PARD3: variants seen among roughly 807,000 people sequenced by gnomAD.
PARD3 encodes the protein partitioning defective 3 homolog.
In PARD3, 75 loss-of-function variants were observed where a neutral mutation model predicts 155.4. The ratio of observed to expected loss-of-function variants is 0.48; its 90% CI spans 0.40 to 0.58. The LOEUF is 0.58. Among genes scored for constraint, PARD3 ranks in the 20% least tolerant of loss-of-function variants. The pLI is 0.00. For synonymous variants in PARD3, 576 were observed against 610.5 expected, an observed-to-expected ratio of 0.94 and a Z score of 0.83; for missense variants, 1,642 against 1,721.7, an observed-to-expected ratio of 0.95 and a Z score of 0.82.
At chr10:34,757,113 A>G (rs547669881) in intron 1 of PARD3, among the ~76,000 whole-genome samples, 2 of 152,352 alleles carry the variant, frequency 1.3e-5, no homozygotes, top group South Asian at 4.1e-4. Context: ...AGTCTATGAC[A>G]GCATTTTGCA....
chr10:34,763,152 A>G (rs1306162433), intron 1 of PARD3, among the ~76,000 whole-genome samples: 2 of 152,214 alleles, frequency 1.3e-5, no homozygotes, highest in African/African-American at 2.4e-5. Flanking sequence ...AGGACCTCTA[A>G]ACATTCTGCA....
chr10:34,122,608 A>G (rs759799055), intron 23 of PARD3, among the ~76,000 whole-genome samples: 1 of 152,218 alleles, frequency 6.6e-6, no homozygotes, highest in Non-Finnish European at 1.5e-5. Context: ...TAGAACTTGC[A>G]AAAGGGTGGG....
At chr10:34,382,358 T>C (rs1841948307) in intron 9 of PARD3, among the ~76,000 whole-genome samples, 182 bp downstream of exon 9, 1 of 152,202 alleles carries the variant, frequency 6.6e-6, no homozygotes, top group African/African-American at 2.4e-5. Flanking sequence ...AGAAATACAA[T>C]TTGAAATATG....
Position 34,382,836 on chromosome 10 carries a change from T to C in PARD3, c.1103A>G (p.Gln368Arg). The C allele has an allele frequency of 6.2e-7, 1 of 1,614,214 alleles. No homozygotes were observed. Among genetic ancestry groups the C allele is most frequent in the Non-Finnish European group, 8.5e-7 (1 of 1,180,040 alleles). ...ATTGTTCTTCTCACTTTGGGATAGTTGTTCATACTGCTCTTTATTTGCTGC... is the reference window on the plus strand; with the variant it reads ...ATTGTTCTTCTCACTTTGGGATAGTCGTTCATACTGCTCTTTATTTGCTGC... ...VPAANKEQYE[Q>R]LSQSEKNNYY... Residue 368 changes from glutamine to arginine, a missense_variant, in exon 9 of 25, where the codon CAA (glutamine) becomes CGA (arginine). Gln to Arg is a conservative substitution (Grantham distance 43). Transcript: ENST00000374788.
chr10:34,534,487 T>C (rs142041864), intron 2 of PARD3, among the ~76,000 whole-genome samples: 1 of 152,254 alleles, frequency 6.6e-6, no homozygotes, highest in Non-Finnish European at 1.5e-5. Flanking sequence ...TGACATTGAA[T>C]GGGTCACATG....
chr10:34,636,820 G>A (rs569115131), intron 2 of PARD3, among the ~76,000 whole-genome samples: 1 of 152,164 alleles, frequency 6.6e-6, no homozygotes, highest in Non-Finnish European at 1.5e-5. Context: ...AGCTGCACAC[G>A]ACAGCAATGC....
At chr10:34,444,948 C>T (rs2076661617) in intron 5 of PARD3, among the ~76,000 whole-genome samples, 1 of 152,122 alleles carries the variant, frequency 6.6e-6, no homozygotes, top group East Asian at 1.9e-4. Flanking sequence ...AAAAACAAAA[C>T]CACTGGAGGC....
intron 1 of PARD3, among the ~76,000 whole-genome samples, chr10:34,795,850 T>A (rs2134283055): frequency 6.6e-6 from 1 of 150,446 alleles, no homozygotes; most frequent in East Asian, 2.0e-4. Flanking sequence ...GCTGAGATCG[T>A]GCCATTGCAC....
At chr10:34,409,357 G>A (rs1158184648) in intron 5 of PARD3, among the ~76,000 whole-genome samples, 1 of 152,128 alleles carries the variant, frequency 6.6e-6, no homozygotes, top group Non-Finnish European at 1.5e-5. Context: ...CCAGAGCATG[G>A]AGGAATCTTC....
intron 20 of PARD3, among the ~76,000 whole-genome samples, chr10:34,316,156 G>C (rs895716834): frequency 1.3e-5 from 2 of 152,180 alleles, no homozygotes; most frequent in Non-Finnish European, 2.9e-5. Context: ...CCATAATGCA[G>C]GATAACTACT....
At position 34,309,050 on chromosome 10, in the gene PARD3, C is replaced by T. The variant is rs1056713910; in HGVS notation, c.3065+8057G>A. Among the ~76,000 whole-genome samples the T allele has an allele frequency of 3.9e-5, 6 of 152,012 alleles. No homozygotes were observed. In the South Asian group the frequency reaches 1.0e-3, roughly 26 times the overall value. On this transcript the variant is annotated intron_variant, in intron 20 of 24. Coordinates refer to ENST00000374788, the MANE Select transcript of PARD3 (RefSeq NM_001184785.2). ...AAGGAAGAGGAACTGGTGACCTGGA[C>T]GAGAACAGGATTTGCTGAGTGGAAG...
chr10:34,229,379 G>A (rs922858766), intron 22 of PARD3, among the ~76,000 whole-genome samples: 4 of 151,830 alleles, frequency 2.6e-5, no homozygotes, highest in Non-Finnish European at 4.4e-5. Context: ...ACCACTATGC[G>A]CAGCTAATTT....
intron 20 of PARD3, 90 bp from the exon 21 acceptor site, chr10:34,284,335 T>A: frequency 1.4e-6 from 1 of 712,492 alleles, no homozygotes; most frequent in Non-Finnish European, 2.4e-6. Context: ...ATGAAATGAA[T>A]GTTAGCTTCT....
At chr10:34,644,702 C>G (rs1367561023) in intron 2 of PARD3, among the ~76,000 whole-genome samples, 1 of 152,192 alleles carries the variant, frequency 6.6e-6, no homozygotes. Context: ...TTGGCCACAT[C>G]TTAGTGACTG....
chr10:34,697,241 C>T (rs376455222), intron 1 of PARD3, among the ~76,000 whole-genome samples: 5 of 152,126 alleles, frequency 3.3e-5, no homozygotes, highest in African/African-American at 7.2e-5. Flanking sequence ...ATCACTCTTA[C>T]GTACATATTC....
chr10:34,353,238 C>T (rs1033596331), intron 14 of PARD3, among the ~76,000 whole-genome samples: 1 of 152,170 alleles, frequency 6.6e-6, no homozygotes, highest in African/African-American at 2.4e-5. Context: ...TCATTGAGAA[C>T]GGGCCATGAT....
intron 22 of PARD3, among the ~76,000 whole-genome samples, chr10:34,168,933 C>T (rs1002309120): frequency 1.3e-5 from 2 of 152,146 alleles, no homozygotes; most frequent in Non-Finnish European, 2.9e-5. Context: ...TGGATTGCAC[C>T]AACGCTACCT....
At chr10:34,766,774 A>AT (rs1838159384) in intron 1 of PARD3, among the ~76,000 whole-genome samples, 1 of 152,180 alleles carries the variant, frequency 6.6e-6, no homozygotes, top group South Asian at 2.1e-4. Context: ...TCAGACAACT[A>AT]TGCACACAAT....
At chr10:34,782,783 G>C (rs1429842356) in intron 1 of PARD3, among the ~76,000 whole-genome samples, 1 of 150,894 alleles carries the variant, frequency 6.6e-6, no homozygotes, top group African/African-American at 2.4e-5. Flanking sequence ...CTAGAGTGTA[G>C]TGGCGTGATC....
Sources: gnomAD v4.1 joint callset for allele counts (sites outside exome capture counted in the v4.1 genomes callset) on GRCh38, gnomAD v4.1.1 for gene constraint, MANE v1.5 for transcripts, NCBI Gene and HGNC (gene_info 2026-07-23, HGNC 2026-07-21) for gene names.